The following KIAA1549 variants were observed in gnomAD, a reference collection of about 807,000 sequenced individuals.
KIAA1549 encodes UPF0606 protein KIAA1549.
A neutral mutation model predicts 156.4 loss-of-function variants in KIAA1549; 70 were observed. That is an observed-to-expected ratio of 0.45 (90% CI 0.37 to 0.55). The LOEUF (loss-of-function observed/expected upper bound fraction) is 0.55. KIAA1549 is among the 20% of genes least tolerant of loss of function. The pLI is 0.00. For missense variants in KIAA1549, 2,428 were observed against 2,540.9 expected, an observed-to-expected ratio of 0.96 and a Z score of 0.96; for synonymous variants, 1,103 against 1,066.4, an observed-to-expected ratio of 1.03 and a Z score of -0.67.
At chr7:138,967,271 G>A (rs1814056160) in intron 1 of KIAA1549, among the ~76,000 whole-genome samples, 1 of 152,152 alleles carries the variant, frequency 6.6e-6, no homozygotes, top group African/African-American at 2.4e-5. Flanking sequence ...ACAATGATAA[G>A]TGTCATGAAG....
At chr7:138,892,246 G>C (rs964883784) in intron 10 of KIAA1549, among the ~76,000 whole-genome samples, 10 of 152,218 alleles carry the variant, frequency 6.6e-5, no homozygotes, top group Non-Finnish European at 1.5e-4. Flanking sequence ...GAGAGAAGGA[G>C]AAAGCTTGGG....
intron 18 of KIAA1549, among the ~76,000 whole-genome samples, chr7:138,841,917 G>A (rs1311681869): frequency 3.3e-5 from 5 of 150,300 alleles, no homozygotes; most frequent in East Asian, 2.0e-4. Flanking sequence ...AGAACTCCTC[G>A]ATGGTTTTAT....
chr7:138,944,710 C>A (rs1422892782), intron 1 of KIAA1549, among the ~76,000 whole-genome samples: 1 of 152,136 alleles, frequency 6.6e-6, no homozygotes, highest in East Asian at 1.9e-4. Flanking sequence ...ACTATTCAAC[C>A]ACAGAAAGGA....
chr7:138,933,137 G>A (rs1486232699), intron 1 of KIAA1549, among the ~76,000 whole-genome samples: 2 of 152,194 alleles, frequency 1.3e-5, no homozygotes, highest in Non-Finnish European at 2.9e-5. Flanking sequence ...GGCAGATGAG[G>A]AAACAGGAGC....
intron 16 of KIAA1549, among the ~76,000 whole-genome samples, chr7:138,860,540 C>T (rs1810541532): frequency 6.6e-6 from 1 of 152,210 alleles, no homozygotes; most frequent in South Asian, 2.1e-4. Flanking sequence ...TTGAGTTTTA[C>T]TTCTTCTCCA....
chr7:138,868,335 CAG>C (rs1810815823), intron 14 of KIAA1549, among the ~76,000 whole-genome samples: 1 of 152,312 alleles, frequency 6.6e-6, no homozygotes, highest in African/African-American at 2.4e-5. Context: ...TGAAGCAACA[CAG>C]AATGATATAA....
At chr7:138,839,784 T>TC (rs1809853483) in intron 19 of KIAA1549, among the ~76,000 whole-genome samples, 1 of 124,538 alleles carries the variant, frequency 8.0e-6, no homozygotes, top group African/African-American at 3.0e-5. Context: ...ATGTCTTTTT[T>TC]TTTTTTTTTT....
intron 1 of KIAA1549, among the ~76,000 whole-genome samples, chr7:138,960,475 A>C (rs1346342639): frequency 6.6e-6 from 1 of 150,760 alleles, no homozygotes; most frequent in Non-Finnish European, 1.5e-5. Flanking sequence ...TGCCTGGCTA[A>C]TTTTTTGTAC....
chr7:138,939,020 A>T (rs184805639), intron 1 of KIAA1549, among the ~76,000 whole-genome samples: 1 of 149,966 alleles, frequency 6.7e-6, no homozygotes, highest in Non-Finnish European at 1.5e-5. Context: ...TCTCAAAAAA[A>T]AATTAATTAA....
rs1812355594 is a variant in KIAA1549 at position 138,917,187 on chromosome 7, G to A, written c.2439C>T (p.Asp813=). 2 of 1,613,960 alleles carry A rather than the reference G, an allele frequency of 1.2e-6. No individual in the cohort carries two copies. Among genetic ancestry groups the A allele is most frequent in the Middle Eastern group, 1.6e-4 (1 of 6,062 alleles). ...CGTGACCGTCTAGAGCACTGATTTG[G>A]TCGTCAGGAGGTGTCAGAGTTGAGA... is the stretch of plus-strand genomic sequence containing the variant. ...SLFSTLTPPD[D]QISALDGHVS... is the part of the protein sequence containing the mutation. Residue 813 remains aspartate (D), a synonymous_variant, in exon 2 of 20, where the codon GAC becomes GAT. Coordinates refer to ENST00000422774, the MANE Select transcript of KIAA1549 (RefSeq NM_001164665.2).
At chr7:138,934,095 T>C (rs903661901) in intron 1 of KIAA1549, among the ~76,000 whole-genome samples, 8 of 152,118 alleles carry the variant, frequency 5.3e-5, no homozygotes, top group African/African-American at 1.9e-4. Context: ...GAACCTATAA[T>C]TGGAACCGAA....
chr7:138,942,151 A>C (rs1563087258), intron 1 of KIAA1549, among the ~76,000 whole-genome samples: 1 of 152,134 alleles, frequency 6.6e-6, no homozygotes, highest in African/African-American at 2.4e-5. Flanking sequence ...CCAGTATTTG[A>C]ACCCGGATCT....
chr7:138,876,697 G>C (rs1811094097), intron 12 of KIAA1549, among the ~76,000 whole-genome samples: 1 of 152,176 alleles, frequency 6.6e-6, no homozygotes, highest in African/African-American at 2.4e-5. Context: ...ATTATGCACA[G>C]ACGCAGCAAT....
chr7:138,888,461 C>A (rs548628300), intron 10 of KIAA1549, among the ~76,000 whole-genome samples: 1 of 152,328 alleles, frequency 6.6e-6, no homozygotes, highest in East Asian at 1.9e-4. Flanking sequence ...CCTTTCTCTG[C>A]TGGTTTATTT....
At chr7:138,874,380 G>A (rs1453247320) in intron 12 of KIAA1549, among the ~76,000 whole-genome samples, 7 of 152,162 alleles carry the variant, frequency 4.6e-5, no homozygotes, top group Non-Finnish European at 1.0e-4. Context: ...AGGTAAGAGA[G>A]TAGATTTTAA....
chr7:138,879,876 C>A (rs1811195028), intron 11 of KIAA1549, among the ~76,000 whole-genome samples: 1 of 152,216 alleles, frequency 6.6e-6, no homozygotes. Context: ...CAGCAGGCTG[C>A]ATTTCAACAA....
intron 1 of KIAA1549, 130 bp downstream of exon 1, chr7:138,980,953 C>T: frequency 1.1e-6 from 1 of 872,100 alleles, no homozygotes. Flanking sequence ...GGCAAAGCAT[C>T]TTCCAGAAAG....
chr7:138,867,864 C>A, intron 15 of KIAA1549, 111 bp downstream of exon 15: 1 of 1,208,908 alleles, frequency 8.3e-7, no homozygotes, highest in South Asian at 1.5e-5. Flanking sequence ...GCATCAGGCA[C>A]TGATACCACA....
intron 1 of KIAA1549, among the ~76,000 whole-genome samples, chr7:138,929,434 T>C (rs958512658): frequency 6.6e-6 from 1 of 152,224 alleles, no homozygotes; most frequent in Non-Finnish European, 1.5e-5. Flanking sequence ...AGGTTCTTCA[T>C]TCCATCTGCA....
Sources: allele counts gnomAD v4.1 joint callset (sites outside exome capture counted in the v4.1 genomes callset), GRCh38; gene constraint gnomAD v4.1.1; transcripts MANE v1.5; gene names NCBI Gene and HGNC (gene_info 2026-07-23, HGNC 2026-07-21).